Variants in ERC1 observed in about 807,000 individuals in gnomAD.
ERC1 encodes RAB6 interacting protein 2.
ERC1 carries 56 observed loss-of-function variants against 132.0 expected under a neutral mutation model. The ratio of observed to expected loss-of-function variants is 0.42; its 90% CI spans 0.34 to 0.53. The LOEUF (loss-of-function observed/expected upper bound fraction) is 0.53. ERC1 is among the 20% of genes least tolerant of loss of function. The pLI is 0.03. For synonymous variants in ERC1, 478 were observed against 476.1 expected, an observed-to-expected ratio of 1.00 and a Z score of -0.05; for missense variants, 1,202 against 1,349.9, an observed-to-expected ratio of 0.89 and a Z score of 1.72.
At chr12:1,483,836 A>G (rs1447549629) in intron 18 of ERC1, among the ~76,000 whole-genome samples, 4 of 151,298 alleles carry the variant, frequency 2.6e-5, no homozygotes, top group East Asian at 4.0e-4. Flanking sequence ...AACTACAGGC[A>G]CTCACCACCA....
intron 7 of ERC1, among the ~76,000 whole-genome samples, chr12:1,137,988 T>C (rs959460219): frequency 4.6e-5 from 6 of 131,500 alleles, no homozygotes; most frequent in African/African-American, 1.7e-4. Context: ...ATAGTATATA[T>C]AATATATATT....
chr12:1,120,395 T>C (rs1946944737), intron 7 of ERC1, among the ~76,000 whole-genome samples: 1 of 152,232 alleles, frequency 6.6e-6, no homozygotes, highest in South Asian at 2.1e-4. Context: ...TTGCTCTTCA[T>C]AGTAATGGCA....
chr12:1,411,073 A>G (rs1483771000), intron 17 of ERC1, among the ~76,000 whole-genome samples: 1 of 152,110 alleles, frequency 6.6e-6, no homozygotes, highest in Non-Finnish European at 1.5e-5. Flanking sequence ...AACTTTTTTT[A>G]GAAGTCATTC....
intron 8 of ERC1, among the ~76,000 whole-genome samples, chr12:1,163,005 G>T (rs2906110): frequency 5.3e-5 from 8 of 152,040 alleles, no homozygotes; most frequent in African/African-American, 1.9e-4. Context: ...AAAACAATGC[G>T]CAGTAAATGA....
chr12:1,289,078 G>T (rs1393554488), intron 14 of ERC1, among the ~76,000 whole-genome samples: 7 of 88,790 alleles, frequency 7.9e-5, no homozygotes, highest in African/African-American at 1.4e-4. Flanking sequence ...CTTTCTATCT[G>T]GTATGTACAC....
chr12:1,132,121 A>G (rs985417327), intron 7 of ERC1, among the ~76,000 whole-genome samples: 3 of 152,222 alleles, frequency 2.0e-5, no homozygotes, highest in African/African-American at 7.2e-5. Context: ...CCAAAAGATC[A>G]GTGTAGAATT....
At chr12:1,256,511 A>G (rs371877475) in intron 13 of ERC1, among the ~76,000 whole-genome samples, 3 of 150,598 alleles carry the variant, frequency 2.0e-5, no homozygotes, top group East Asian at 2.0e-4. Context: ...CCTCCATTGT[A>G]TATCTCTTAA....
At chr12:1,179,723 G>A (rs1414633299) in intron 8 of ERC1, among the ~76,000 whole-genome samples, 2 of 151,928 alleles carry the variant, frequency 1.3e-5, no homozygotes, top group Non-Finnish European at 1.5e-5. Flanking sequence ...TAGCTGGGAT[G>A]GTCTTGATCT....
At chr12:1,104,121 T>A (rs778569455) in intron 3 of ERC1, among the ~76,000 whole-genome samples, 19 of 148,624 alleles carry the variant, frequency 1.3e-4, no homozygotes, top group Non-Finnish European at 2.7e-4. Context: ...TCAGTAAAAT[T>A]TGGGTAAAAA....
At chr12:1,231,225 A>C (rs910800805) in intron 12 of ERC1, among the ~76,000 whole-genome samples, 1 of 151,500 alleles carries the variant, frequency 6.6e-6, no homozygotes, top group Non-Finnish European at 1.5e-5. Context: ...TGTGGTTACT[A>C]TGAGGGTTAC....
chr12:1,014,919 A>G lies in ERC1; in HGVS notation c.-156-12829A>G, dbSNP rs534707761. 5.2e-4 allele frequency among the ~76,000 whole-genome samples: 79 copies of G among 151,818 alleles called. 1 individual carries two copies. In the South Asian group the frequency reaches 0.011, roughly 22 times the overall value. ...GCTGGGATCACAGGTGTGCGCCACCATGCCTGGCTAATTTTTGTATTTTTA... is the reference window on the plus strand; with the variant it reads ...GCTGGGATCACAGGTGTGCGCCACCGTGCCTGGCTAATTTTTGTATTTTTA... On this transcript the variant is annotated intron_variant, in intron 1 of 18. Transcript: ENST00000360905.
chr12:1,327,627 C>G (rs556100128), intron 15 of ERC1, among the ~76,000 whole-genome samples: 2 of 152,270 alleles, frequency 1.3e-5, no homozygotes, highest in Middle Eastern at 6.8e-3. Context: ...TCTATACTTT[C>G]TTCCCCTATA....
intron 2 of ERC1, among the ~76,000 whole-genome samples, chr12:1,071,969 C>T (rs766234761): frequency 3.3e-5 from 5 of 151,962 alleles, no homozygotes; most frequent in East Asian, 3.9e-4. Context: ...GGCTTGGTGG[C>T]GGGCACCTGT....
intron 16 of ERC1, among the ~76,000 whole-genome samples, chr12:1,396,053 G>A (rs1315721165): frequency 1.3e-5 from 2 of 152,080 alleles, no homozygotes; most frequent in African/African-American, 2.4e-5. Context: ...TTATAAATAT[G>A]TGTAAACTGG....
intron 18 of ERC1, among the ~76,000 whole-genome samples, chr12:1,489,747 T>C (rs1471073400): frequency 6.6e-6 from 1 of 152,138 alleles, no homozygotes. Context: ...TCCACAAGGT[T>C]AGGATCCTCT....
intron 2 of ERC1, among the ~76,000 whole-genome samples, chr12:1,080,423 A>G (rs2154187572): frequency 6.6e-6 from 1 of 152,264 alleles, no homozygotes; most frequent in Middle Eastern, 3.4e-3. Context: ...CAACGTCTTG[A>G]AGGTTCATCT....
At chr12:1,396,293 G>A (rs935456061) in intron 16 of ERC1, among the ~76,000 whole-genome samples, 2 of 152,284 alleles carry the variant, frequency 1.3e-5, no homozygotes, top group South Asian at 2.1e-4. Context: ...TATAGAAAAA[G>A]CATTCAAAAT....
At chr12:1,026,215 A>G (rs757751885) in intron 1 of ERC1, among the ~76,000 whole-genome samples, 6 of 152,172 alleles carry the variant, frequency 3.9e-5, no homozygotes, top group Non-Finnish European at 5.9e-5. Flanking sequence ...GAACTTGTGC[A>G]GGGGAACTCC....
Position 1,428,692 on chromosome 12 carries a change from A to G in ERC1, c.3025-15870A>G, listed in dbSNP as rs551408704. Among the ~76,000 whole-genome samples, 4 of 152,336 alleles carry G rather than the reference A, an allele frequency of 2.6e-5. No homozygotes were observed. In the South Asian group the frequency reaches 8.3e-4, roughly 32 times the overall value. The stretch of plus-strand genomic sequence containing the variant: ...TATTAAACAGCAGACCCTTTACGAT[A>G]GGACCCCGCAGTACTGCTTTCATTC... On this transcript the variant is annotated intron_variant, in intron 17 of 18. Transcript: ENST00000360905.
Sources: allele counts gnomAD v4.1 joint callset (sites outside exome capture counted in the v4.1 genomes callset), GRCh38; gene constraint gnomAD v4.1.1; transcripts MANE v1.5; gene names NCBI Gene and HGNC (gene_info 2026-07-23, HGNC 2026-07-21).